Variants in TSG101 observed in about 807,000 individuals in gnomAD.
The protein encoded by TSG101 is tumor susceptibility 101.
A neutral mutation model predicts 48.5 loss-of-function variants in TSG101; 19 were observed. The ratio of observed to expected loss-of-function variants is 0.39; its 90% CI spans 0.27 to 0.58. TSG101 has a LOEUF of 0.58. TSG101 is among the 20% of genes least tolerant of loss of function. The pLI, the probability that TSG101 is intolerant of heterozygous loss-of-function variation, is 0.55. For missense variants in TSG101, 365 were observed against 484.4 expected, an observed-to-expected ratio of 0.75 and a Z score of 2.31; for synonymous variants, 174 against 169.4, an observed-to-expected ratio of 1.03 and a Z score of -0.21.
chr11:18,512,646 T>C (rs1306624810), intron 4 of TSG101, among the ~76,000 whole-genome samples: 1 of 151,926 alleles, frequency 6.6e-6, no homozygotes, highest in East Asian at 1.9e-4. Context: ...TATTATCTTC[T>C]TCCAGCAAGG....
At chr11:18,506,695 A>C (rs566097400) in intron 6 of TSG101, among the ~76,000 whole-genome samples, 162 bp downstream of exon 6, 1 of 152,042 alleles carries the variant, frequency 6.6e-6, no homozygotes, top group East Asian at 1.9e-4. Flanking sequence ...ATCTCAAAAA[A>C]AATAAATAAA....
At chr11:18,501,072 T>C (rs1849878996) in intron 7 of TSG101, among the ~76,000 whole-genome samples, 1 of 152,220 alleles carries the variant, frequency 6.6e-6, no homozygotes, top group East Asian at 1.9e-4. Context: ...CTTCCCAAAG[T>C]GCTGGGATTA....
intron 1 of TSG101, among the ~76,000 whole-genome samples, chr11:18,524,037 C>T (rs565349325): frequency 5.3e-5 from 8 of 152,276 alleles, no homozygotes; most frequent in African/African-American, 1.7e-4. Context: ...GTGGATTCTC[C>T]CATCTCTACC....
At chr11:18,512,437 C>A (rs769346706) in intron 4 of TSG101, among the ~76,000 whole-genome samples, 5 of 152,118 alleles carry the variant, frequency 3.3e-5, no homozygotes, top group Non-Finnish European at 7.3e-5. Flanking sequence ...ACCATCTTGT[C>A]CTCTATTTTC....
chr11:18,481,459 T>C, intron 9 of TSG101, 171 bp downstream of exon 9: 1 of 1,415,478 alleles, frequency 7.1e-7, no homozygotes. Context: ...CAATCCTCAG[T>C]ACTCTGTAGG....
intron 7 of TSG101, among the ~76,000 whole-genome samples, chr11:18,492,071 A>G (rs1849706764): frequency 6.6e-6 from 1 of 152,266 alleles, no homozygotes; most frequent in Non-Finnish European, 1.5e-5. Context: ...TTAGAATTTC[A>G]TATCCAAAGG....
At chr11:18,506,413 C>A in intron 6 of TSG101, among the ~76,000 whole-genome samples, 1 of 151,322 alleles carries the variant, frequency 6.6e-6, no homozygotes, top group African/African-American at 2.4e-5. Flanking sequence ...AATACATAGG[C>A]TGGGCATGGT....
intron 8 of TSG101, 152 bp downstream of exon 8, chr11:18,483,718 A>G: frequency 1.3e-6 from 1 of 784,958 alleles, no homozygotes; most frequent in Non-Finnish European, 2.0e-6. Flanking sequence ...CTCCACTGTA[A>G]ACAAAGGTAT....
intron 2 of TSG101, among the ~76,000 whole-genome samples, chr11:18,517,528 C>T (rs1824626831): frequency 6.6e-6 from 1 of 152,166 alleles, no homozygotes; most frequent in African/African-American, 2.4e-5. Flanking sequence ...TTTGGGTCTA[C>T]AATGGACTGC....
intron 4 of TSG101, among the ~76,000 whole-genome samples, chr11:18,513,793 G>A (rs924860027): frequency 2.0e-5 from 3 of 152,156 alleles, no homozygotes; most frequent in Non-Finnish European, 2.9e-5. Flanking sequence ...TAAGTAAGTA[G>A]GCTGGGCATG....
intron 4 of TSG101, among the ~76,000 whole-genome samples, chr11:18,513,218 GT>G (rs903290787): frequency 3.4e-5 from 5 of 148,380 alleles, no homozygotes; most frequent in African/African-American, 9.9e-5. Flanking sequence ...GTTCTGCTTA[GT>G]TTTTTTTTTA....
At chr11:18,508,992 T>C in intron 5 of TSG101, among the ~76,000 whole-genome samples, 1 of 152,140 alleles carries the variant, frequency 6.6e-6, no homozygotes, top group East Asian at 1.9e-4. Flanking sequence ...ACAGAGATAA[T>C]ATATTCCAAT....
chr11:18,524,274 T>C (rs1850330004), intron 1 of TSG101, among the ~76,000 whole-genome samples: 1 of 152,204 alleles, frequency 6.6e-6, no homozygotes, highest in Admixed American at 6.5e-5. Flanking sequence ...GAGAAAGGTG[T>C]TGAAAGTTAT....
intron 9 of TSG101, 138 bp downstream of exon 9, chr11:18,481,492 A>G: frequency 6.9e-7 from 1 of 1,448,608 alleles, no homozygotes; most frequent in Admixed American, 2.8e-5. Flanking sequence ...GCAAAACCCT[A>G]CATCTCATTT....
intron 7 of TSG101, chr11:18,490,386 G>GT: frequency 1.7e-6 from 1 of 597,674 alleles, no homozygotes; most frequent in Non-Finnish European, 3.2e-6. Context: ...ATCAAATACT[G>GT]TTTTTGCCAG....
intron 7 of TSG101, chr11:18,490,319 C>A (rs1373909864): frequency 5.1e-6 from 3 of 592,502 alleles, no homozygotes; most frequent in Non-Finnish European, 9.9e-6. Flanking sequence ...ATTGCATGAT[C>A]AGAGTGCTGT....
chr11:18,487,817 T>C (rs1437589909), intron 7 of TSG101, among the ~76,000 whole-genome samples: 1 of 152,244 alleles, frequency 6.6e-6, no homozygotes, highest in African/African-American at 2.4e-5. Context: ...TTGCTCCATG[T>C]TGCCCATCTC....
chr11:18,526,752 A>G (rs1238592349), intron 1 of TSG101, 23 bp downstream of exon 1: 4 of 1,598,432 alleles, frequency 2.5e-6, no homozygotes, highest in African/African-American at 2.7e-5. Flanking sequence ...GCGCCCTGGG[A>G]GGCGAGCGCG....
intron 7 of TSG101, among the ~76,000 whole-genome samples, chr11:18,494,016 TA>T (rs1565084965): frequency 6.6e-6 from 1 of 152,032 alleles, no homozygotes; most frequent in Non-Finnish European, 1.5e-5. Context: ...ACACAATCAA[TA>T]AGAAAAAATT....
Sources: allele counts gnomAD v4.1 joint callset (sites outside exome capture counted in the v4.1 genomes callset), GRCh38; gene constraint gnomAD v4.1.1; transcripts MANE v1.5; gene names NCBI Gene and HGNC (gene_info 2026-07-23, HGNC 2026-07-21).